Variants in KLF8 observed in about 807,000 individuals in gnomAD.
KLF8 encodes the protein Krueppel-like factor 8.
Under a neutral mutation model 18.2 loss-of-function variants are expected in KLF8, and 10 were observed. The ratio of observed to expected loss-of-function variants is 0.55; its 90% CI spans 0.34 to 0.93. KLF8 has a LOEUF of 0.93. Ranked by LOEUF, KLF8 falls within the 40% of genes least tolerant of loss-of-function variation. KLF8 has a pLI of 0.02. For synonymous variants in KLF8, 109 were observed against 97.3 expected (o/e 1.12, Z -0.71); for missense variants, 264 against 277.9 (o/e 0.95, Z 0.36).
the KLF8 span, among the ~76,000 whole-genome samples, chrX:56,021,327 A>G: frequency 8.9e-6 from 1 of 111,812 alleles, no homozygotes; most frequent in Non-Finnish European, 1.9e-5. Context: ...GTATGACTAT[A>G]CCATAATTTA....
At chrX:55,941,757 C>A in the KLF8 span, among the ~76,000 whole-genome samples, 2 of 112,053 alleles carry the variant, frequency 1.8e-5, no homozygotes, top group East Asian at 5.6e-4. Flanking sequence ...CCGAAAGACA[C>A]ATGAAAAAAT....
At chrX:56,123,267 AAGAAAAAG>A in the KLF8 span, among the ~76,000 whole-genome samples, 2 of 73,976 alleles carry the variant, frequency 2.7e-5, no homozygotes, top group African/African-American at 6.0e-5. Flanking sequence ...GAAAGAAAGA[AAGAAAAAG>A]AAAGAAAGAA....
chrX:56,091,388 A>G, the KLF8 span, among the ~76,000 whole-genome samples: 2 of 111,214 alleles, frequency 1.8e-5, no homozygotes, highest in Non-Finnish European at 3.8e-5. Context: ...TGAGTCAATT[A>G]CACCTATTTC....
chrX:56,270,142 T>C (rs924173184), intron 4 of KLF8, 40 bp from the exon 5 acceptor site: 6 of 1,160,219 alleles, frequency 5.2e-6, no homozygotes, highest in African/African-American at 1.8e-5. Context: ...GCCTTCACTT[T>C]AAAGTCACTG....
At chrX:56,010,723 C>T in the KLF8 span, among the ~76,000 whole-genome samples, 1 of 111,942 alleles carries the variant, frequency 8.9e-6, no homozygotes, top group African/African-American at 3.2e-5. Flanking sequence ...ACCCATCTCA[C>T]TTGCAAAGAC....
At chrX:56,177,399 G>A in the KLF8 span, among the ~76,000 whole-genome samples, 2 of 111,150 alleles carry the variant, frequency 1.8e-5, no homozygotes, top group African/African-American at 3.3e-5. Flanking sequence ...TATCAGCAGT[G>A]GAGGCTGCAG....
At chrX:56,162,572 C>G in the KLF8 span, among the ~76,000 whole-genome samples, 17 of 112,061 alleles carry the variant, frequency 1.5e-4, no homozygotes, top group East Asian at 4.5e-3. Context: ...CCAAGCCAAG[C>G]ATAGGATATA....
chrX:56,182,310 A>C, the KLF8 span, among the ~76,000 whole-genome samples: 1 of 112,420 alleles, frequency 8.9e-6, no homozygotes, highest in Non-Finnish European at 1.9e-5. Context: ...TTTCAGCTCC[A>C]TGAGGTCATT....
intron 2 of KLF8, among the ~76,000 whole-genome samples, chrX:56,255,062 T>C (rs970282512): frequency 4.4e-5 from 5 of 112,613 alleles, no homozygotes; most frequent in Non-Finnish European, 9.4e-5. Flanking sequence ...CATAGAATAT[T>C]TTTCCATTTT....
chrX:56,199,835 T>C, the KLF8 span, among the ~76,000 whole-genome samples: 1 of 111,789 alleles, frequency 8.9e-6, no homozygotes, highest in African/African-American at 3.3e-5. Context: ...ACAACCCAAG[T>C]GTCCATCAAT....
rs758476359 is a variant in KLF8, at chrX:56,289,151, C to G, written c.*4657C>G. 1.8e-5 allele frequency among the ~76,000 whole-genome samples: 2 copies of G among 112,064 alleles called. No homozygotes were observed. The highest frequency in any genetic ancestry group is 3.8e-5 in the Non-Finnish European group (2 of 53,271). On this transcript the variant is annotated 3_prime_UTR_variant, in exon 6 of 6. Coordinates refer to ENST00000468660, the MANE Select transcript of KLF8 (RefSeq NM_007250.5). The stretch of plus-strand genomic sequence containing the variant: ...ACTCATGGGTATTTATTTTATACTT[C>G]GAGTTATAATCTAATACTACTACTT...
chrX:56,071,992 T>C, the KLF8 span, among the ~76,000 whole-genome samples: 1 of 111,937 alleles, frequency 8.9e-6, no homozygotes, highest in Non-Finnish European at 1.9e-5. Flanking sequence ...TTGTGGGTCC[T>C]TAAGAGGTAT....
chrX:55,929,862 G>A, the KLF8 span, among the ~76,000 whole-genome samples: 53 of 107,177 alleles, frequency 4.9e-4, no homozygotes, highest in African/African-American at 1.7e-3. Flanking sequence ...TTGACTATAC[G>A]GGCTCTTTTT....
the KLF8 span, among the ~76,000 whole-genome samples, chrX:56,096,370 A>G: frequency 9.0e-6 from 1 of 111,498 alleles, no homozygotes; most frequent in African/African-American, 3.3e-5. Context: ...TAGGTACACT[A>G]AAAGCCCAGA....
the KLF8 span, among the ~76,000 whole-genome samples, chrX:55,942,065 C>T: frequency 9.0e-6 from 1 of 111,497 alleles, no homozygotes; most frequent in Non-Finnish European, 1.9e-5. Flanking sequence ...GACACATGCA[C>T]ACGTATGTTG....
At chrX:56,199,134 C>A in the KLF8 span, among the ~76,000 whole-genome samples, 1 of 112,069 alleles carries the variant, frequency 8.9e-6, no homozygotes, top group Non-Finnish European at 1.9e-5. Flanking sequence ...ACCATAAAAA[C>A]CCTAGAAGAA....
the KLF8 span, among the ~76,000 whole-genome samples, chrX:56,052,709 T>C: frequency 2.7e-5 from 3 of 112,110 alleles, no homozygotes. Flanking sequence ...CAGAGGTGAC[T>C]GCTGTCTTTT....
the KLF8 span, among the ~76,000 whole-genome samples, chrX:56,112,739 T>C: frequency 1.8e-5 from 2 of 112,335 alleles, no homozygotes; most frequent in Non-Finnish European, 3.8e-5. Context: ...TCAAATATGC[T>C]TTGTATCCCC....
At chrX:56,124,270 G>T in the KLF8 span, among the ~76,000 whole-genome samples, 1 of 111,533 alleles carries the variant, frequency 9.0e-6, no homozygotes. Flanking sequence ...ATGAAGGCAG[G>T]GATGTGTACC....
Sources: gnomAD v4.1 joint callset for allele counts (sites outside exome capture counted in the v4.1 genomes callset) on GRCh38, gnomAD v4.1.1 for gene constraint, MANE v1.5 for transcripts, NCBI Gene and HGNC (gene_info 2026-07-23, HGNC 2026-07-21) for gene names.